Variants in IMMP2L observed in about 807,000 individuals in gnomAD.
IMMP2L encodes the protein mitochondrial inner membrane protease subunit 2.
In IMMP2L, 18 loss-of-function variants were observed where a neutral mutation model predicts 19.3. The observed-to-expected ratio is 0.93, with a 90% CI of 0.64 to 1.38. IMMP2L has a LOEUF of 1.38. Ranked by LOEUF, IMMP2L falls within the 40% of genes most tolerant of loss-of-function variation. The probability of loss-of-function intolerance (pLI) is 0.00; values close to 1 mark genes in which losing one functional copy is unlikely to be tolerated. For missense variants in IMMP2L, 233 were observed against 218.2 expected (o/e 1.07, Z -0.43); for synonymous variants, 76 against 73.0 (o/e 1.04, Z -0.21).
At chr7:110,918,493 TTGCCCA>T (rs1307578046) in intron 4 of IMMP2L, among the ~76,000 whole-genome samples, 1 of 151,196 alleles carries the variant, frequency 6.6e-6, no homozygotes, top group East Asian at 1.9e-4. Flanking sequence ...TTCACTCTTG[TTGCCCA>T]GGGTGGAGTG....
rs10260878 is a variant in IMMP2L, at chr7:110,952,621, G to T, written c.305+10879C>A. 9.9e-3 allele frequency among the ~76,000 whole-genome samples: 1,503 copies of T among 152,194 alleles called. 22 individuals carry two copies. Among genetic ancestry groups the T allele is most frequent in the African/African-American group, 0.033 (1,390 of 41,514 alleles). ...GTTTTGTCAAAAGTATCAAAAGTTA[G>T]AAACTGATTACCATCTTCAGATAGA... On this transcript the variant is annotated intron_variant, in intron 4 of 5. Coordinates refer to ENST00000405709, the MANE Select transcript of IMMP2L (RefSeq NM_032549.4).
chr7:111,161,502 G>A (rs1043939155), intron 3 of IMMP2L, among the ~76,000 whole-genome samples: 1 of 151,662 alleles, frequency 6.6e-6, no homozygotes. Context: ...AATAGATATA[G>A]AAAAAAGTAT....
Position 110,963,165 on chromosome 7 carries a change from A to G in IMMP2L, c.305+335T>C, listed in dbSNP as rs930294223. ...GTTAAATGTTCTTGAATTTTTTTAAATGAACCTTAACATCATAATCTTAAT... is the reference window on the plus strand; with the variant it reads ...GTTAAATGTTCTTGAATTTTTTTAAGTGAACCTTAACATCATAATCTTAAT... On this transcript the variant is annotated intron_variant, in intron 4 of 5. Coordinates refer to ENST00000405709, the MANE Select transcript of IMMP2L (RefSeq NM_032549.4). The G allele has an allele frequency of 2.5e-6, 3 of 1,177,998 alleles. No individual in the cohort carries two copies. In the Admixed American group the frequency reaches 8.1e-5, roughly 32 times the overall value. The allele number at this position is 1,177,998 out of a possible 1,614,324, so 73.0% of individuals were successfully genotyped here.
chr7:111,495,348 C>T (rs918806926), intron 2 of IMMP2L, among the ~76,000 whole-genome samples: 2 of 152,050 alleles, frequency 1.3e-5, no homozygotes, highest in African/African-American at 4.8e-5. Context: ...ATATAGTTCA[C>T]TCTAAGAAAT....
chr7:111,502,602 G>A (rs1285033660), intron 2 of IMMP2L, among the ~76,000 whole-genome samples: 2 of 151,888 alleles, frequency 1.3e-5, no homozygotes, highest in African/African-American at 4.8e-5. Context: ...GTAAAAAACA[G>A]AAATTATAAC....
intron 5 of IMMP2L, among the ~76,000 whole-genome samples, chr7:110,669,275 AG>A (rs1791724113): frequency 6.6e-6 from 1 of 152,150 alleles, no homozygotes; most frequent in African/African-American, 2.4e-5. Context: ...CTGGTGAACC[AG>A]GAAGAGTCAA....
At chr7:111,376,952 C>T (rs1830729824) in intron 3 of IMMP2L, among the ~76,000 whole-genome samples, 1 of 151,838 alleles carries the variant, frequency 6.6e-6, no homozygotes, top group South Asian at 2.1e-4. Context: ...GAGGGTAATA[C>T]AAATGTTCTA....
At chr7:111,199,155 T>G (rs954200559) in intron 3 of IMMP2L, among the ~76,000 whole-genome samples, 1 of 152,140 alleles carries the variant, frequency 6.6e-6, no homozygotes, top group Non-Finnish European at 1.5e-5. Context: ...ATAAACACAT[T>G]TTTATTCTGC....
chr7:111,414,882 A>G (rs1241153728), intron 3 of IMMP2L, among the ~76,000 whole-genome samples: 1 of 151,806 alleles, frequency 6.6e-6, no homozygotes, highest in East Asian at 1.9e-4. Context: ...CAGAATTCTA[A>G]GGTGGCATCC....
chr7:111,034,064 T>C (rs1006310086), intron 3 of IMMP2L, among the ~76,000 whole-genome samples: 1 of 152,154 alleles, frequency 6.6e-6, no homozygotes, highest in Non-Finnish European at 1.5e-5. Flanking sequence ...GCTTTTTATG[T>C]TGAATTTTTT....
intron 3 of IMMP2L, among the ~76,000 whole-genome samples, chr7:111,468,832 C>A (rs1396613990): frequency 6.6e-6 from 1 of 151,902 alleles, no homozygotes; most frequent in Non-Finnish European, 1.5e-5. Flanking sequence ...ATAAGAAAAA[C>A]CTAGAAGTTA....
intron 1 of IMMP2L, among the ~76,000 whole-genome samples, chr7:111,538,661 A>G (rs1013115869): frequency 4.0e-5 from 6 of 148,988 alleles, no homozygotes; most frequent in African/African-American, 1.2e-4. Context: ...AAAAATTAAC[A>G]TAGCCAGTCA....
intron 3 of IMMP2L, among the ~76,000 whole-genome samples, chr7:111,159,127 T>A (rs1804970102): frequency 6.6e-6 from 1 of 152,192 alleles, no homozygotes; most frequent in Non-Finnish European, 1.5e-5. Flanking sequence ...TTTTATTTAT[T>A]TATTTAGAGA....
chr7:110,826,179 A>G (rs1803470745), intron 5 of IMMP2L, among the ~76,000 whole-genome samples: 1 of 152,208 alleles, frequency 6.6e-6, no homozygotes, highest in Admixed American at 6.5e-5. Flanking sequence ...TTAAAAAGTC[A>G]GGAAACAACA....
At chr7:111,559,825 T>C (rs1170431915) in intron 1 of IMMP2L, among the ~76,000 whole-genome samples, 1 of 152,060 alleles carries the variant, frequency 6.6e-6, no homozygotes, top group Non-Finnish European at 1.5e-5. Context: ...GCAGAGAAAT[T>C]TTAATGGCCC....
At chr7:111,495,401 G>C (rs1360563779) in intron 2 of IMMP2L, among the ~76,000 whole-genome samples, 4 of 152,118 alleles carry the variant, frequency 2.6e-5, no homozygotes, top group African/African-American at 9.7e-5. Context: ...AGTAAGTTAT[G>C]CTAAAGCTAG....
intron 5 of IMMP2L, among the ~76,000 whole-genome samples, chr7:110,759,256 C>T (rs565598699): frequency 6.6e-6 from 1 of 152,174 alleles, no homozygotes. Context: ...TGTGCTATGA[C>T]ACTGAACAGG....
At chr7:110,905,414 G>T (rs1002353092) in intron 4 of IMMP2L, among the ~76,000 whole-genome samples, 2 of 151,936 alleles carry the variant, frequency 1.3e-5, no homozygotes, top group Non-Finnish European at 2.9e-5. Context: ...AAATAAAAAG[G>T]ATGAATACAC....
At chr7:110,928,924 C>G (rs1815173745) in intron 4 of IMMP2L, among the ~76,000 whole-genome samples, 1 of 152,066 alleles carries the variant, frequency 6.6e-6, no homozygotes, top group Admixed American at 6.6e-5. Flanking sequence ...GCCACAGATT[C>G]CTGGTGCTGA....
Sources: allele counts gnomAD v4.1 joint callset (sites outside exome capture counted in the v4.1 genomes callset), GRCh38; gene constraint gnomAD v4.1.1; transcripts MANE v1.5; gene names NCBI Gene and HGNC (gene_info 2026-07-23, HGNC 2026-07-21).